The following FAM120A variants were observed in gnomAD, a reference collection of about 807,000 sequenced individuals.
FAM120A encodes the protein constitutive coactivator of PPAR-gamma-like protein 1.
Under a neutral mutation model 109.7 loss-of-function variants are expected in FAM120A, and 15 were observed. The observed-to-expected ratio is 0.14, with a 90% CI of 0.09 to 0.21. The LOEUF (loss-of-function observed/expected upper bound fraction) is 0.21, where lower values mean the gene tolerates loss of function less well. Ranked by LOEUF, FAM120A falls within the 10% of genes least tolerant of loss-of-function variation. The probability of loss-of-function intolerance (pLI) is 1.00; values close to 1 mark genes in which losing one functional copy is unlikely to be tolerated. For missense variants in FAM120A, 899 were observed against 1,439.3 expected, an observed-to-expected ratio of 0.62 and a Z score of 6.07; for synonymous variants, 493 against 572.8, an observed-to-expected ratio of 0.86 and a Z score of 1.99.
At chr9:93,461,091 A>G (rs973642927) in intron 1 of FAM120A, among the ~76,000 whole-genome samples, 2 of 152,214 alleles carry the variant, frequency 1.3e-5, no homozygotes, top group Admixed American at 1.3e-4. Context: ...GTGATGGTCA[A>G]TCTGCATTAT....
chr9:93,481,476 T>G (rs1394702165), intron 3 of FAM120A, among the ~76,000 whole-genome samples: 1 of 152,220 alleles, frequency 6.6e-6, no homozygotes, highest in African/African-American at 2.4e-5. Flanking sequence ...GACCTCGTAT[T>G]TGGGTATAAT....
Position 93,558,007 on chromosome 9 carries a change from G to A in FAM120A, c.2665G>A (p.Ala889Thr), listed in dbSNP as rs1382927508. ...CTCTCAGGGCAGGGGCAGAGGCTTT[G>A]CAGGTGAGTTGATTGGGACGTATTC... ...PPSQGRGRGFAGVCGFGGPYG... is the reference protein window; with the variant it reads ...PPSQGRGRGFTGVCGFGGPYG... The change falls in exon 14 of 18, where the codon GCA (alanine) becomes ACA (threonine). Residue 889 changes from alanine to threonine, a missense_variant. Ala to Thr is a moderately conservative substitution (Grantham distance 58). Transcript: ENST00000277165. 1 of 1,589,474 alleles carries A rather than the reference G, an allele frequency of 6.3e-7. No individual in the cohort carries two copies. Among genetic ancestry groups the A allele is most frequent in the East Asian group, 2.2e-5 (1 of 44,664 alleles).
intron 12 of FAM120A, among the ~76,000 whole-genome samples, chr9:93,556,157 T>C: frequency 6.6e-6 from 1 of 152,186 alleles, no homozygotes; most frequent in East Asian, 1.9e-4. Context: ...AATACTTGAG[T>C]ATGTTTATAA....
At position 93,452,850 on chromosome 9, in the gene FAM120A, G is replaced by A. The variant is rs1857333584; in HGVS notation, c.474+461G>A. 1.3e-6 allele frequency: 2 copies of A among 1,492,642 alleles called. No homozygotes were observed. The highest frequency in any genetic ancestry group is 1.8e-6 in the Non-Finnish European group (2 of 1,130,290). The allele number at this position is 1,492,642 out of a possible 1,614,324, so 92.5% of individuals were successfully genotyped here. A position where few individuals can be genotyped will look rare whatever the true frequency, so the allele number is the denominator to read the frequency against. The stretch of plus-strand genomic sequence containing the variant: ...GAGTAATAGAGGGGGTTTCGCCAGA[G>A]CCCTTGGGGGCTGCAAATATCAGTG... On this transcript the variant is annotated intron_variant, in intron 1 of 17. Transcript: ENST00000277165. The surrounding 1 kb of genome is among the most constrained non-coding windows in gnomAD (Gnocchi z 7.0).
intron 15 of FAM120A, 53 bp downstream of exon 15, chr9:93,558,771 T>C: frequency 6.3e-7 from 1 of 1,596,424 alleles, no homozygotes; most frequent in Non-Finnish European, 8.5e-7. Context: ...CTTCCTTCGC[T>C]CCATCGTCTG....
chr9:93,556,261 C>A, intron 12 of FAM120A, 121 bp from the exon 13 acceptor site: 1 of 741,372 alleles, frequency 1.3e-6, no homozygotes, highest in South Asian at 1.7e-5. Context: ...GGTAGGACTA[C>A]TTAGTGGTGC....
Position 93,471,291 on chromosome 9 carries a change from G to A in FAM120A, c.625G>A (p.Gly209Arg), listed in dbSNP as rs371528215. ...CCATGCCCTAAAACTGAGCCGGAAC[G>A]GGAAAAGTCTCACCACAAGCCAATA... ...SAHALKLSRN[G>R]KSLTTSQYLM... Residue 209 changes from glycine (G) to arginine (R), a missense_variant, in exon 2 of 18, where the codon GGG becomes AGG. By Grantham distance (125) the Gly-to-Arg change is moderately radical. Around this residue, in one of 11 missense-constraint regions of FAM120A, gnomAD observed 258 missense variants for 451.4 expected, o/e 0.57. Transcript: ENST00000277165. The A allele has an allele frequency of 2.5e-6, 4 of 1,614,046 alleles. No homozygotes were observed. The highest frequency in any genetic ancestry group is 3.3e-5 in the Admixed American group (2 of 60,000).
chr9:93,510,706 C>T (rs1310015451), intron 5 of FAM120A, among the ~76,000 whole-genome samples: 1 of 136,848 alleles, frequency 7.3e-6, no homozygotes, highest in Non-Finnish European at 1.7e-5. Context: ...TGAACTGCCT[C>T]AGCCCCCAGT....
In FAM120A at chr9:93,452,669, G is replaced by A; in HGVS notation, c.474+280G>A. On this transcript the variant is annotated intron_variant, in intron 1 of 17. Transcript: ENST00000277165. The surrounding 1 kb of genome is among the most constrained non-coding windows in gnomAD (Gnocchi z 7.0). ...GAGAGCCCCGGACCAGAATTCGGAG[G>A]CGACAGTGTCATCATCCCCAATATC... 6.3e-7 allele frequency: 1 copy of A among 1,598,880 alleles called. No individual in the cohort carries two copies. The highest frequency in any genetic ancestry group is 8.5e-7 in the Non-Finnish European group (1 of 1,179,914).
chr9:93,468,375 C>T (rs1858148987), intron 1 of FAM120A, among the ~76,000 whole-genome samples: 1 of 152,188 alleles, frequency 6.6e-6, no homozygotes, highest in Non-Finnish European at 1.5e-5. Flanking sequence ...CGTGAAGATG[C>T]GTAAGCTGTG....
In FAM120A at chr9:93,452,979, T is replaced by G; in HGVS notation, c.474+590T>G. The G allele has an allele frequency of 7.5e-7, 1 of 1,339,722 alleles. No individual in the cohort carries two copies. The allele number at this position is 1,339,722 out of a possible 1,614,324, so 83.0% of individuals were successfully genotyped here. On this transcript the variant is annotated intron_variant, in intron 1 of 17. Transcript: ENST00000277165. This position sits in a 1 kb window ranked among gnomAD's most constrained non-coding sequence, Gnocchi z 7.0. The stretch of plus-strand genomic sequence containing the variant: ...TTCAGAACGCAGTGCCCTGTCCGTG[T>G]TCCTCTTAGTACAGGGTGTTTAGAG...
rs770103595 is a variant in FAM120A, at chr9:93,516,137, C to T, written c.1286C>T (p.Pro429Leu). Residue 429 changes from proline to leucine, a missense_variant, in exon 7 of 18, where the codon CCG becomes CTG. Physicochemically the swap from Pro to Leu is moderately conservative, Grantham distance 98 (BLOSUM62 -3). Transcript: ENST00000277165. ...SNIPHEGKHT[P>L]LYERSSPINP... ...ATTCCTCACGAAGGGAAGCACACGC[C>T]GCTGTATGAGCGGTCCTCGCCCATC... 5 of 1,613,852 alleles carry T rather than the reference C, an allele frequency of 3.1e-6. No individual in the cohort carries two copies. Among genetic ancestry groups the T allele is most frequent in the African/African-American group, 1.3e-5 (1 of 74,920 alleles).
At chr9:93,558,975 T>C (rs1316030489) in intron 15 of FAM120A, among the ~76,000 whole-genome samples, 1 of 152,210 alleles carries the variant, frequency 6.6e-6, no homozygotes, top group African/African-American at 2.4e-5. Context: ...AGAACCTTTC[T>C]GTGCACCTGG....
chr9:93,486,565 A>G lies in FAM120A; in HGVS notation c.804+10227A>G, dbSNP rs187348298. Among the ~76,000 whole-genome samples, 295 of 95,444 alleles carry G rather than the reference A, an allele frequency of 3.1e-3. 8 individuals are homozygous for G. In the South Asian group the frequency reaches 0.043, roughly 14 times the overall value. The allele number at this position is 95,444 out of a possible 152,430, so 62.6% of individuals were successfully genotyped here. A position where few individuals can be genotyped will look rare whatever the true frequency, so the allele number is the denominator to read the frequency against. On this transcript the variant is annotated intron_variant, in intron 3 of 17. Coordinates refer to ENST00000277165, the MANE Select transcript of FAM120A (RefSeq NM_014612.5). ...TTTTTTTTTTGAGACTCACTTTTTT[A>G]GAGTCTCACTCCTTTGCCCAGGCTG...
intron 5 of FAM120A, among the ~76,000 whole-genome samples, chr9:93,502,496 C>CA (rs1859845257): frequency 6.6e-6 from 1 of 151,034 alleles, no homozygotes; most frequent in African/African-American, 2.4e-5. Flanking sequence ...AATCTATCTG[C>CA]AATATTGAGA....
rs373911735 is a variant in FAM120A at position 93,497,609 on chromosome 9, A to G, written c.933+10A>G. 6.3e-7 allele frequency: 1 copy of G among 1,591,258 alleles called. No homozygotes were observed. Among genetic ancestry groups the G allele is most frequent in the East Asian group, 2.2e-5 (1 of 44,728 alleles). ...TTTCCAGCATTCACAGGTAAAAAAA[A>G]AAACAAACAAAACAAAAAAACAGAT... On this transcript the variant is annotated intron_variant, in intron 4 of 17. Transcript: ENST00000277165.
At chr9:93,560,970 A>T in intron 15 of FAM120A, 139 bp from the exon 16 acceptor site, 1 of 917,766 alleles carries the variant, frequency 1.1e-6, no homozygotes, top group South Asian at 1.7e-5. Flanking sequence ...TACATAATAA[A>T]AAATTGTACA....
At chr9:93,555,221 G>A (rs1343343451) in intron 12 of FAM120A, among the ~76,000 whole-genome samples, 1 of 152,198 alleles carries the variant, frequency 6.6e-6, no homozygotes, top group Non-Finnish European at 1.5e-5. Flanking sequence ...CATGGGAAAA[G>A]GAGGAGCTGG....
At chr9:93,563,331 A>T (rs567318550) in intron 17 of FAM120A, among the ~76,000 whole-genome samples, 1 of 152,214 alleles carries the variant, frequency 6.6e-6, no homozygotes, top group African/African-American at 2.4e-5. Flanking sequence ...AAAAACATCC[A>T]TGTTTTCTTC....
Sources: gnomAD v4.1 joint callset for allele counts (sites outside exome capture counted in the v4.1 genomes callset) on GRCh38, gnomAD v4.1.1 for gene constraint, gnomAD v4.1.1 regional missense constraint, Gnocchi (gnomAD v3.1) non-coding constraint, MANE v1.5 for transcripts, NCBI Gene and HGNC (gene_info 2026-07-23, HGNC 2026-07-21) for gene names.